Variants in SEC22A observed in about 807,000 individuals in gnomAD.
SEC22A encodes the protein SEC22 homolog A, vesicle trafficking protein, also known as vesicle-trafficking protein SEC22a.
In SEC22A, 22 loss-of-function variants were observed where a neutral mutation model predicts 35.3. That is an observed-to-expected ratio of 0.62 (90% CI 0.45 to 0.89). The LOEUF (loss-of-function observed/expected upper bound fraction) is 0.89. Among genes scored for constraint, SEC22A ranks in the 40% least tolerant of loss-of-function variants. The pLI is 0.00. For synonymous variants in SEC22A, 119 were observed against 129.5 expected (o/e 0.92, Z 0.55); for missense variants, 354 against 362.5 (o/e 0.98, Z 0.19).
chr3:123,204,397 CT>C (rs1936812300), intron 1 of SEC22A, among the ~76,000 whole-genome samples: 1 of 152,154 alleles, frequency 6.6e-6, no homozygotes, highest in African/African-American at 2.4e-5. Flanking sequence ...AATATGAGTG[CT>C]TTTGCCCCCA....
At chr3:123,259,355 T>C (rs1363725007) in intron 5 of SEC22A, among the ~76,000 whole-genome samples, 169 bp from the exon 6 acceptor site, 2 of 152,112 alleles carry the variant, frequency 1.3e-5, no homozygotes, top group African/African-American at 2.4e-5. Context: ...ACTCTTTAGG[T>C]CTTAGAATGT....
intron 4 of SEC22A, among the ~76,000 whole-genome samples, chr3:123,233,925 T>G (rs2108061820): frequency 6.6e-6 from 1 of 152,326 alleles, no homozygotes; most frequent in Middle Eastern, 3.4e-3. Context: ...ACCATTCACA[T>G]ATGACGTAAT....
At chr3:123,226,057 CTG>C (rs547932356) in intron 4 of SEC22A, among the ~76,000 whole-genome samples, 109 of 152,294 alleles carry the variant, frequency 7.2e-4, no homozygotes, top group African/African-American at 2.5e-3. Context: ...GAATAATACT[CTG>C]TTGTGTATGT....
chr3:123,258,515 T>A (rs907586720), intron 5 of SEC22A, among the ~76,000 whole-genome samples: 4 of 152,198 alleles, frequency 2.6e-5, no homozygotes, highest in African/African-American at 9.6e-5. Flanking sequence ...TCCTTGCCTC[T>A]GGGGTGCAAC....
intron 1 of SEC22A, among the ~76,000 whole-genome samples, chr3:123,202,963 G>A (rs973915213): frequency 1.4e-5 from 2 of 145,298 alleles, no homozygotes; most frequent in Non-Finnish European, 3.0e-5. Flanking sequence ...GGTTCATTCA[G>A]TATTTGACTC....
intron 4 of SEC22A, among the ~76,000 whole-genome samples, chr3:123,229,991 A>C (rs1937289782): frequency 6.6e-6 from 1 of 152,176 alleles, no homozygotes. Context: ...TAATTAAAAA[A>C]GACAGTAAAG....
At position 123,272,204 on chromosome 3, in the gene SEC22A, G is replaced by A. The variant is rs80103726; in HGVS notation, c.*482G>A. 1,274 of 154,750 alleles carry A rather than the reference G, an allele frequency of 8.2e-3. 15 individuals carry two copies. Among genetic ancestry groups the A allele is most frequent in the African/African-American group, 0.028 (1,183 of 41,568 alleles). 9.6% of individuals were successfully genotyped at this position (154,750 alleles called of 1,614,324 possible). ...ATTATTTGCACACTTATGGTACTAC[G>A]AGTTTATAAAGTCCAAGATGGTGTG... On this transcript the variant is annotated 3_prime_UTR_variant, in exon 7 of 7. Transcript: ENST00000492595.
intron 4 of SEC22A, among the ~76,000 whole-genome samples, chr3:123,231,920 T>A (rs1168116417): frequency 6.6e-6 from 1 of 152,084 alleles, no homozygotes; most frequent in Non-Finnish European, 1.5e-5. Flanking sequence ...TTAGCTAGAT[T>A]GACCCAGAAA....
In SEC22A at chr3:123,272,453, GTAC is replaced by G. The variant is rs1247633477; in HGVS notation, c.*736_*738del. 6.6e-6 allele frequency: 1 copy of G among 152,014 alleles called. No homozygotes were observed. The allele number at this position is 152,014 out of a possible 1,614,324, so 9.4% of individuals were successfully genotyped here. On this transcript the variant is annotated 3_prime_UTR_variant, in exon 7 of 7. Transcript: ENST00000492595. Reference sequence around the variant, plus strand: ...TGTTTCCCAAACTTCAGTCTCTTTAGTACTACTTGTATTATTTTCTTAATATTT... The same window carrying G: ...TGTTTCCCAAACTTCAGTCTCTTTAGTACTTGTATTATTTTCTTAATATTT...
At chr3:123,243,104 A>G (rs1269099681) in intron 4 of SEC22A, among the ~76,000 whole-genome samples, 3 of 152,118 alleles carry the variant, frequency 2.0e-5, no homozygotes, top group African/African-American at 7.2e-5. Flanking sequence ...CATCGCTTTG[A>G]GCCAAACCAA....
At position 123,201,997 on chromosome 3, in the gene SEC22A, G is replaced by GC. The variant is rs1160378394; in HGVS notation, c.-20+15dup. On this transcript the variant is annotated intron_variant, in intron 1 of 6. Transcript: ENST00000492595. ...GTCCCGTCTCGACAGGTACTCCCCG[G>GC]CCCCTCCCAGTCCTCTTCTTCCTTT... is the stretch of plus-strand genomic sequence containing the variant. 8 of 152,756 alleles carry GC rather than the reference G, an allele frequency of 5.2e-5. No individual in the cohort carries two copies. Among genetic ancestry groups the GC allele is most frequent in the Non-Finnish European group, 1.0e-4 (7 of 68,172 alleles). 9.5% of individuals were successfully genotyped at this position (152,756 alleles called of 1,614,324 possible). A position where few individuals can be genotyped will look rare whatever the true frequency, so the allele number is the denominator to read the frequency against.
chr3:123,242,617 C>T (rs1371596047), intron 4 of SEC22A, among the ~76,000 whole-genome samples: 1 of 152,088 alleles, frequency 6.6e-6, no homozygotes, highest in African/African-American at 2.4e-5. Context: ...TTTGCAGTGA[C>T]TCTCCCACAA....
Position 123,271,502 on chromosome 3 carries a change from C to T in SEC22A, c.724-20C>T. 1 of 1,595,800 alleles carries T rather than the reference C, an allele frequency of 6.3e-7. No individual in the cohort carries two copies. Among genetic ancestry groups the T allele is most frequent in the East Asian group, 2.2e-5 (1 of 44,824 alleles). On this transcript the variant is annotated intron_variant, in intron 6 of 6. Transcript: ENST00000492595. ...TTTTCCTGTAACCCTAATCATCTTT[C>T]ATTTTTATATTTTGAACAGTGTTAT...
rs373737450 is a variant in SEC22A at position 123,229,652 on chromosome 3, A to G, written c.541+4355A>G. ...GCTGAGGCGGGCAGATCACGAGGTC[A>G]GGAGTTCAAGACCAGCCTGGCCAAC... On this transcript the variant is annotated intron_variant, in intron 4 of 6. Transcript: ENST00000492595. Among the ~76,000 whole-genome samples, 7 of 152,142 alleles carry G rather than the reference A, an allele frequency of 4.6e-5. No individual in the cohort carries two copies. The East Asian group carries it at 1.2e-3, about 25-fold the overall frequency.
chr3:123,224,612 A>G (rs879693423), intron 3 of SEC22A, among the ~76,000 whole-genome samples: 1 of 152,184 alleles, frequency 6.6e-6, no homozygotes, highest in Non-Finnish European at 1.5e-5. Flanking sequence ...CCTGGGCAAC[A>G]TAGACCCTGT....
chr3:123,236,495 C>T (rs1937420924), intron 4 of SEC22A, among the ~76,000 whole-genome samples: 1 of 152,118 alleles, frequency 6.6e-6, no homozygotes, highest in South Asian at 2.1e-4. Context: ...CTACTTTTTC[C>T]TTTGGTGCTT....
intron 4 of SEC22A, among the ~76,000 whole-genome samples, chr3:123,236,759 ATAAT>A (rs1937426317): frequency 1.3e-5 from 2 of 152,082 alleles, no homozygotes; most frequent in Admixed American, 1.3e-4. Flanking sequence ...ACAATCATAG[ATAAT>A]TAAGCACCTT....
chr3:123,234,978 G>C (rs144614252), intron 4 of SEC22A, among the ~76,000 whole-genome samples: 1 of 151,258 alleles, frequency 6.6e-6, no homozygotes, highest in Non-Finnish European at 1.5e-5. Context: ...AGCTGAGATC[G>C]TGCCACTGCA....
chr3:123,260,368 ATT>A (rs1937862750), intron 6 of SEC22A, among the ~76,000 whole-genome samples: 1 of 152,136 alleles, frequency 6.6e-6, no homozygotes, highest in East Asian at 1.9e-4. Context: ...GTTTGGAATT[ATT>A]ACTACAGGTA....
Sources: gnomAD v4.1 joint callset for allele counts (sites outside exome capture counted in the v4.1 genomes callset) on GRCh38, gnomAD v4.1.1 for gene constraint, MANE v1.5 for transcripts, NCBI Gene and HGNC (gene_info 2026-07-23, HGNC 2026-07-21) for gene names.